PLA2G4C: variants seen among roughly 807,000 people sequenced by gnomAD.
The protein encoded by PLA2G4C is phospholipase A2 group IVC, also known as cytosolic phospholipase A2 gamma.
A neutral mutation model predicts 73.8 loss-of-function variants in PLA2G4C; 64 were observed. The observed-to-expected ratio is 0.87, with a 90% CI of 0.71 to 1.07. The LOEUF is 1.07. Ranked by LOEUF, PLA2G4C falls within the 50% of genes least tolerant of loss-of-function variation. The probability of loss-of-function intolerance (pLI) is 0.00; values close to 1 mark genes in which losing one functional copy is unlikely to be tolerated. For synonymous variants in PLA2G4C, 254 were observed against 252.1 expected, an observed-to-expected ratio of 1.01 and a Z score of -0.07; for missense variants, 622 against 665.4, an observed-to-expected ratio of 0.93 and a Z score of 0.72.
chr19:48,057,324 G>A (rs942510463), intron 14 of PLA2G4C, among the ~76,000 whole-genome samples: 4 of 151,610 alleles, frequency 2.6e-5, no homozygotes, highest in African/African-American at 9.7e-5. Flanking sequence ...TAGAGATGTC[G>A]GAGTAATGTC....
intron 13 of PLA2G4C, chr19:48,064,858 C>G (rs1161820335): frequency 6.6e-6 from 1 of 152,158 alleles, no homozygotes; most frequent in African/African-American, 2.4e-5. Context: ...AGAGAGAGTC[C>G]TCAGAAAGAA....
At chr19:48,107,325 T>C (rs1568458998) in intron 1 of PLA2G4C, among the ~76,000 whole-genome samples, 1 of 151,996 alleles carries the variant, frequency 6.6e-6, no homozygotes, top group Admixed American at 6.6e-5. Flanking sequence ...CTCTGAAAAC[T>C]ATCTCAAAGA....
chr19:48,053,761 A>C (rs908086192), intron 15 of PLA2G4C, among the ~76,000 whole-genome samples: 55 of 152,322 alleles, frequency 3.6e-4, no homozygotes, highest in African/African-American at 1.3e-3. Context: ...TGTTCGTTAA[A>C]TGAAGGAAGA....
chr19:48,055,301 G>A (rs958151522), intron 14 of PLA2G4C, among the ~76,000 whole-genome samples: 1 of 150,868 alleles, frequency 6.6e-6, no homozygotes, highest in Non-Finnish European at 1.5e-5. Context: ...GGGGGCTGCG[G>A]GACTCAGAGG....
intron 5 of PLA2G4C, among the ~76,000 whole-genome samples, chr19:48,098,747 A>C (rs1158617163): frequency 2.2e-5 from 3 of 137,146 alleles, no homozygotes; most frequent in Non-Finnish European, 4.7e-5. Context: ...AAAAAAAAAA[A>C]AAAAATTTGT....
intron 8 of PLA2G4C, among the ~76,000 whole-genome samples, chr19:48,089,418 A>G (rs1179757626): frequency 1.3e-5 from 2 of 152,172 alleles, no homozygotes; most frequent in Non-Finnish European, 2.9e-5. Flanking sequence ...CTCTGTCTCA[A>G]AAAAACAAAC....
intron 16 of PLA2G4C, chr19:48,052,263 G>C (rs1468876790): frequency 6.6e-6 from 1 of 152,184 alleles, no homozygotes; most frequent in Non-Finnish European, 1.5e-5. Flanking sequence ...GTTTGGCTCT[G>C]TGTCCCCACC....
chr19:48,110,525 A>AGCCTGTGCTCCGGAATCCGGTGCGGAG lies in PLA2G4C; in HGVS notation c.-72_-71insCTCCGCACCGGATTCCGGAGCACAGGC, dbSNP rs2032446211. 3.1e-6 allele frequency: 3 copies of AGCCTGTGCTCCGGAATCCGGTGCGGAG among 954,598 alleles called. No individual in the cohort carries two copies. The highest frequency in any genetic ancestry group is 1.9e-4 in the African/African-American group (2 of 10,604). 59.1% of individuals were successfully genotyped at this position (954,598 alleles called of 1,614,324 possible). A position where few individuals can be genotyped will look rare whatever the true frequency, so the allele number is the denominator to read the frequency against. On this transcript the variant is annotated 5_prime_UTR_variant, in exon 1 of 17. Transcript: ENST00000599921. ...TGGGGCGTGTGCGCATGCGCGGTGGAGCTTGTGCTCCGGAATCCGGTGCGG... is the reference window on the plus strand; with the variant it reads ...TGGGGCGTGTGCGCATGCGCGGTGGAGCCTGTGCTCCGGAATCCGGTGCGGAGGCTTGTGCTCCGGAATCCGGTGCGG...
intron 10 of PLA2G4C, among the ~76,000 whole-genome samples, chr19:48,081,084 G>T (rs1383281290): frequency 6.6e-6 from 1 of 151,012 alleles, no homozygotes; most frequent in African/African-American, 2.4e-5. Context: ...AGAATGGCGT[G>T]AACCTGGGAG....
intron 12 of PLA2G4C, among the ~76,000 whole-genome samples, chr19:48,073,702 T>C (rs1382659722): frequency 2.0e-5 from 3 of 152,044 alleles, no homozygotes; most frequent in Admixed American, 6.6e-5. Context: ...TGGCATCTGC[T>C]TCTGGTGGGG....
chr19:48,059,507 A>C (rs1156590208), intron 14 of PLA2G4C, among the ~76,000 whole-genome samples: 2 of 152,128 alleles, frequency 1.3e-5, no homozygotes, highest in East Asian at 3.9e-4. Flanking sequence ...TAGGAGAGGA[A>C]GACTCACCCA....
At chr19:48,075,407 G>A (rs1403669083) in intron 11 of PLA2G4C, among the ~76,000 whole-genome samples, 4 of 151,502 alleles carry the variant, frequency 2.6e-5, no homozygotes, top group African/African-American at 4.9e-5. Flanking sequence ...GGCTGGTCTC[G>A]AACTCCTGAC....
intron 15 of PLA2G4C, among the ~76,000 whole-genome samples, chr19:48,054,257 T>G (rs574995288): frequency 6.6e-6 from 1 of 152,294 alleles, no homozygotes; most frequent in Admixed American, 6.5e-5. Context: ...GTTACCCTCA[T>G]GCTGTTCTCG....
rs761894049 is a variant in PLA2G4C, at chr19:48,088,669, T to C, written c.790+17A>G. On this transcript the variant is annotated intron_variant, in intron 9 of 16. Transcript: ENST00000599921. Reference sequence around the variant, plus strand: ...CCCCATTATCATCAGGGATTCATGATGAAGTAGGATGCTTACCTTTCAGGG... The same window carrying C: ...CCCCATTATCATCAGGGATTCATGACGAAGTAGGATGCTTACCTTTCAGGG... The C allele has an allele frequency of 1.3e-6, 2 of 1,591,378 alleles. No homozygotes were observed. The highest frequency in any genetic ancestry group is 1.7e-6 in the Non-Finnish European group (2 of 1,159,254).
In PLA2G4C at chr19:48,110,531, T is replaced by TGCTCCGGAGTCCGGTGCGGAGGCTTGG; in HGVS notation, c.-78_-77insCCAAGCCTCCGCACCGGACTCCGGAGC. The TGCTCCGGAGTCCGGTGCGGAGGCTTGG allele has an allele frequency of 7.2e-7, 1 of 1,386,156 alleles. No homozygotes were observed. Among genetic ancestry groups the TGCTCCGGAGTCCGGTGCGGAGGCTTGG allele is most frequent in the South Asian group, 1.4e-5 (1 of 72,618 alleles). The allele number at this position is 1,386,156 out of a possible 1,614,324, so 85.9% of individuals were successfully genotyped here. A position where few individuals can be genotyped will look rare whatever the true frequency, so the allele number is the denominator to read the frequency against. ...GTGTGCGCATGCGCGGTGGAGCTTGTGCTCCGGAATCCGGTGCGGAGGCTT... is the reference window on the plus strand; with the variant it reads ...GTGTGCGCATGCGCGGTGGAGCTTGTGCTCCGGAGTCCGGTGCGGAGGCTTGGGCTCCGGAATCCGGTGCGGAGGCTT... On this transcript the variant is annotated 5_prime_UTR_variant, in exon 1 of 17. Transcript: ENST00000599921.
intron 11 of PLA2G4C, among the ~76,000 whole-genome samples, chr19:48,076,217 AC>A (rs2030145524): frequency 6.6e-6 from 1 of 152,198 alleles, no homozygotes; most frequent in Non-Finnish European, 1.5e-5. Context: ...CTGACTGTTG[AC>A]CTGTGAAAAA....
intron 14 of PLA2G4C, among the ~76,000 whole-genome samples, chr19:48,059,048 A>G (rs12462242): frequency 6.6e-6 from 1 of 151,954 alleles, no homozygotes; most frequent in Admixed American, 6.6e-5. Context: ...CGAGGCGGGC[A>G]GATCACAAGG....
chr19:48,101,120 ATATATATT>A (rs372103415), intron 4 of PLA2G4C, among the ~76,000 whole-genome samples: 10,240 of 81,866 alleles, frequency 0.13, 357 homozygotes, highest in African/African-American at 0.18. Flanking sequence ...ATATATATAT[ATATATATT>A]TTTTTTTTTT....
intron 14 of PLA2G4C, among the ~76,000 whole-genome samples, chr19:48,057,185 A>C (rs1307235873): frequency 1.3e-5 from 2 of 152,208 alleles, no homozygotes; most frequent in Non-Finnish European, 2.9e-5. Context: ...CAGAAGTTGC[A>C]TAAGCATATG....
Sources: gnomAD v4.1 joint callset for allele counts (sites outside exome capture counted in the v4.1 genomes callset) on GRCh38, gnomAD v4.1.1 for gene constraint, MANE v1.5 for transcripts, NCBI Gene and HGNC (gene_info 2026-07-23, HGNC 2026-07-21) for gene names.